OCLN: variants seen among roughly 807,000 people sequenced by gnomAD.
OCLN encodes the protein occludin, also known as phosphatase 1, regulatory subunit 115.
A neutral mutation model predicts 47.9 loss-of-function variants in OCLN; 21 were observed. That is an observed-to-expected ratio of 0.44 (90% CI 0.31 to 0.63). OCLN has a LOEUF of 0.63. Ranked by LOEUF, OCLN falls within the 30% of genes least tolerant of loss-of-function variation. The pLI, the probability that OCLN is intolerant of heterozygous loss-of-function variation, is 0.08. For synonymous variants in OCLN, 117 were observed against 198.4 expected (o/e 0.59, Z 3.45); for missense variants, 360 against 571.0 (o/e 0.63, Z 3.77).
chr5:69,531,225 G>A (rs1769423994), intron 4 of OCLN, among the ~76,000 whole-genome samples: 2 of 152,228 alleles, frequency 1.3e-5, no homozygotes, highest in South Asian at 4.1e-4. Context: ...GTGCATAAGC[G>A]ATTTGGTGGG....
chr5:69,496,708 A>G (rs1260090868), intron 1 of OCLN, among the ~76,000 whole-genome samples: 1 of 151,794 alleles, frequency 6.6e-6, no homozygotes, highest in Non-Finnish European at 1.5e-5. Context: ...GCCCAGCCTC[A>G]GCCTGTTTTT....
rs370622638 is a variant in OCLN, at chr5:69,514,123, A to C, written c.891+14A>C. On this transcript the variant is annotated intron_variant, in intron 4 of 8. Transcript: ENST00000396442. ...GTCGAGGAGTGGGTAAGTGTTAAAA[A>C]ATAACTTTACATCTTTTATTAAAGC... The C allele has an allele frequency of 6.8e-6, 11 of 1,612,156 alleles. No individual in the cohort carries two copies. In the African/African-American group the frequency reaches 1.5e-4, roughly 22 times the overall value.
At chr5:69,522,534 T>C (rs1769166919) in intron 4 of OCLN, among the ~76,000 whole-genome samples, 1 of 152,182 alleles carries the variant, frequency 6.6e-6, no homozygotes, top group Non-Finnish European at 1.5e-5. Flanking sequence ...TTTAGCAAAC[T>C]TAGAAGTGTC....
At chr5:69,520,610 C>T (rs184662000) in intron 4 of OCLN, among the ~76,000 whole-genome samples, 35 of 151,776 alleles carry the variant, frequency 2.3e-4, no homozygotes, top group African/African-American at 7.7e-4. Flanking sequence ...TTTCTTTAAT[C>T]ATCTTTTTCC....
At chr5:69,506,183 G>A (rs931857165) in intron 2 of OCLN, among the ~76,000 whole-genome samples, 9 of 152,218 alleles carry the variant, frequency 5.9e-5, no homozygotes, top group African/African-American at 2.2e-4. Flanking sequence ...GGTGGTGCAT[G>A]CCTGTTATCC....
At chr5:69,495,222 A>T (rs548540857) in intron 1 of OCLN, among the ~76,000 whole-genome samples, 1 of 152,220 alleles carries the variant, frequency 6.6e-6, no homozygotes, top group African/African-American at 2.4e-5. Context: ...ATTTATGGAA[A>T]TAAGAGAGTA....
intron 4 of OCLN, among the ~76,000 whole-genome samples, chr5:69,525,827 C>T (rs1328913190): frequency 6.6e-6 from 1 of 152,094 alleles, no homozygotes; most frequent in Non-Finnish European, 1.5e-5. Flanking sequence ...CTTCCCTTTT[C>T]CATTGTGTTG....
chr5:69,550,439 G>A (rs1414005705), intron 7 of OCLN, among the ~76,000 whole-genome samples: 2 of 151,546 alleles, frequency 1.3e-5, no homozygotes, highest in African/African-American at 2.4e-5. Context: ...TGATCTGCCT[G>A]CCTTGGCCTC....
At chr5:69,546,995 G>C (rs1769728766) in intron 6 of OCLN, among the ~76,000 whole-genome samples, 1 of 147,526 alleles carries the variant, frequency 6.8e-6, no homozygotes. Flanking sequence ...GGTATATTGA[G>C]AAATAGATGT....
chr5:69,553,848 A>G lies in OCLN; in HGVS notation c.*177A>G, dbSNP rs1326786763. Reference sequence around the variant, plus strand: ...TTTTATAAATCGCTTTTGATAATCAACTGGGCTGAACACTCCAATTAAGGA... The same window carrying G: ...TTTTATAAATCGCTTTTGATAATCAGCTGGGCTGAACACTCCAATTAAGGA... On this transcript the variant is annotated 3_prime_UTR_variant, in exon 9 of 9. Coordinates refer to ENST00000396442, the MANE Select transcript of OCLN (RefSeq NM_001205254.2). 7.6e-6 allele frequency: 5 copies of G among 660,376 alleles called. No homozygotes were observed. The Admixed American group carries it at 8.7e-5, about 12-fold the overall frequency. The allele number at this position is 660,376 out of a possible 1,614,324, so 40.9% of individuals were successfully genotyped here.
chr5:69,514,464 AGGTGCTCTCGTG>A (rs1172068006), intron 4 of OCLN, among the ~76,000 whole-genome samples: 1 of 152,068 alleles, frequency 6.6e-6, no homozygotes, highest in Non-Finnish European at 1.5e-5. Flanking sequence ...CCATTGCCAA[AGGTGCTCTCGTG>A]GGTCAAGATT....
intron 5 of OCLN, among the ~76,000 whole-genome samples, chr5:69,536,884 C>T (rs1769603273): frequency 1.3e-5 from 2 of 151,612 alleles, no homozygotes; most frequent in African/African-American, 2.4e-5. Context: ...AGGAGAATGG[C>T]GTGAACCCGG....
intron 2 of OCLN, among the ~76,000 whole-genome samples, chr5:69,508,076 C>T (rs984072153): frequency 2.0e-5 from 3 of 151,942 alleles, no homozygotes; most frequent in African/African-American, 7.3e-5. Flanking sequence ...GCCCTGTCAC[C>T]CAGGCTGGAG....
chr5:69,515,862 T>C (rs1210223654), intron 4 of OCLN, among the ~76,000 whole-genome samples: 1 of 131,830 alleles, frequency 7.6e-6, no homozygotes, highest in East Asian at 2.3e-4. Flanking sequence ...CCAGACGGGG[T>C]GGCGGGGCAG....
At chr5:69,502,610 A>G (rs1768491851) in intron 1 of OCLN, 1 of 152,256 alleles carries the variant, frequency 6.6e-6, no homozygotes, top group Non-Finnish European at 1.5e-5. Context: ...AATCACTGGT[A>G]TAACCTGGAA....
At chr5:69,510,303 C>T (rs184150231) in intron 3 of OCLN, among the ~76,000 whole-genome samples, 1 of 152,258 alleles carries the variant, frequency 6.6e-6, no homozygotes, top group Non-Finnish European at 1.5e-5. Flanking sequence ...TTCTCTCATT[C>T]CTTTTTATTG....
intron 4 of OCLN, among the ~76,000 whole-genome samples, chr5:69,530,027 G>C (rs1490477335): frequency 6.6e-6 from 1 of 152,130 alleles, no homozygotes; most frequent in Non-Finnish European, 1.5e-5. Flanking sequence ...ATTATGCCTA[G>C]CTGGTTTTCT....
chr5:69,522,991 C>A (rs933738986), intron 4 of OCLN, among the ~76,000 whole-genome samples: 1 of 147,986 alleles, frequency 6.8e-6, no homozygotes, highest in Non-Finnish European at 1.5e-5. Context: ...GCCTCCCAAA[C>A]TGCTGGGATT....
At chr5:69,527,720 A>T (rs993931272) in intron 4 of OCLN, among the ~76,000 whole-genome samples, 3 of 152,006 alleles carry the variant, frequency 2.0e-5, no homozygotes, top group Admixed American at 6.6e-5. Context: ...CAAAGAGTCT[A>T]TTTCTATCAG....
Sources: allele counts gnomAD v4.1 joint callset (sites outside exome capture counted in the v4.1 genomes callset), GRCh38; gene constraint gnomAD v4.1.1; transcripts MANE v1.5; gene names NCBI Gene and HGNC (gene_info 2026-07-23, HGNC 2026-07-21).